Variants in MMP2 observed in about 807,000 individuals in gnomAD.
The protein encoded by MMP2 is matrix metallopeptidase 2.
In MMP2, 39 loss-of-function variants were observed where a neutral mutation model predicts 74.8. The observed-to-expected ratio is 0.52, with a 90% CI of 0.40 to 0.68. The LOEUF is 0.68. Among genes scored for constraint, MMP2 ranks in the 30% least tolerant of loss-of-function variants. The probability of loss-of-function intolerance (pLI) is 0.00; values close to 1 mark genes in which losing one functional copy is unlikely to be tolerated. For synonymous variants in MMP2, 367 were observed against 339.8 expected (o/e 1.08, Z -0.88); for missense variants, 803 against 878.3 (o/e 0.91, Z 1.08).
At chr16:55,496,902 C>T (rs762977589) in intron 9 of MMP2, 24 bp from the exon 10 acceptor site, 3 of 1,613,140 alleles carry the variant, frequency 1.9e-6, no homozygotes, top group African/African-American at 1.3e-5. Flanking sequence ...ATGTGGTTTC[C>T]TGTGCCCCCT....
Position 55,483,006 on chromosome 16 carries a change from C to A in MMP2, c.251C>A (p.Pro84His). The change falls in exon 2 of 13, where the codon CCC becomes CAC. Residue 84 changes from proline to histidine, a missense_variant. Coordinates refer to ENST00000219070, the MANE Select transcript of MMP2 (RefSeq NM_004530.6). Reference sequence around the variant, plus strand: ...AAGATGCAGAAGTTCTTTGGACTGCCCCAGACAGGTGATCTTGACCAGAAT... The same window carrying A: ...AAGATGCAGAAGTTCTTTGGACTGCACCAGACAGGTGATCTTGACCAGAAT... Reference protein sequence around the residue: ...LKKMQKFFGLPQTGDLDQNTI... With the variant: ...LKKMQKFFGLHQTGDLDQNTI... 2 of 1,614,194 alleles carry A rather than the reference C, an allele frequency of 1.2e-6. No homozygotes were observed. The highest frequency in any genetic ancestry group is 1.7e-6 in the Non-Finnish European group (2 of 1,180,038).
At chr16:55,497,117 G>T in intron 10 of MMP2, 55 bp downstream of exon 10, 3 of 1,611,734 alleles carry the variant, frequency 1.9e-6, no homozygotes, top group Non-Finnish European at 2.5e-6. Flanking sequence ...CTGCACCAGG[G>T]CTCCTGGGTG....
Position 55,505,616 on chromosome 16 carries a change from C to A in MMP2, c.*174C>A. The stretch of plus-strand genomic sequence containing the variant: ...TTCCAGAGAGTGGCTCCTCCCGGTG[C>A]CCAAGAATAGATGCTGACTGTACTC... On this transcript the variant is annotated 3_prime_UTR_variant, in exon 13 of 13. Coordinates refer to ENST00000219070, the MANE Select transcript of MMP2 (RefSeq NM_004530.6). 1 of 656,292 alleles carries A rather than the reference C, an allele frequency of 1.5e-6. No homozygotes were observed. Among genetic ancestry groups the A allele is most frequent in the Non-Finnish European group, 2.7e-6 (1 of 365,988 alleles). The allele number at this position is 656,292 out of a possible 1,614,324, so 40.7% of individuals were successfully genotyped here.
Position 55,498,182 on chromosome 16 carries a change from T to C in MMP2, c.1610-107T>C. The stretch of plus-strand genomic sequence containing the variant: ...CAGGAGTGAGCAGGAAGTTGCACTC[T>C]GTTGGGAATGGCTGCAGTGGGGCCC... On this transcript the variant is annotated intron_variant, in intron 10 of 12. Transcript: ENST00000219070. The C allele has an allele frequency of 2.1e-6, 3 of 1,426,186 alleles. No individual in the cohort carries two copies. In the South Asian group the frequency reaches 3.5e-5, roughly 16 times the overall value. The allele number at this position is 1,426,186 out of a possible 1,614,324, so 88.3% of individuals were successfully genotyped here.
At chr16:55,484,222 G>C in intron 3 of MMP2, 58 bp downstream of exon 3, 3 of 1,582,920 alleles carry the variant, frequency 1.9e-6, no homozygotes, top group Non-Finnish European at 1.7e-6. Context: ...AGACGAGGGG[G>C]TGAGATGGAC....
chr16:55,489,915 C>G, intron 7 of MMP2, 91 bp downstream of exon 7: 1 of 1,414,514 alleles, frequency 7.1e-7, no homozygotes, highest in Non-Finnish European at 9.7e-7. Flanking sequence ...TCACCCACTT[C>G]AAGCATAGAC....
rs192392549 is a variant in MMP2, at chr16:55,503,450, G to A, written c.1879+562G>A. Among the ~76,000 whole-genome samples, 166 of 152,172 alleles carry A rather than the reference G, an allele frequency of 1.1e-3. 1 individual carries two copies. The highest frequency in any genetic ancestry group is 3.4e-3 in the Middle Eastern group (1 of 290). On this transcript the variant is annotated intron_variant, in intron 12 of 12. Transcript: ENST00000219070. ...CATCTGTGAGCTTTCTAGGGTCCTG[G>A]AAATGGGTCCAGTTTGGCTTTTTTT...
intron 9 of MMP2, among the ~76,000 whole-genome samples, chr16:55,496,325 A>G (rs1324672699): frequency 6.6e-6 from 1 of 152,220 alleles, no homozygotes; most frequent in Non-Finnish European, 1.5e-5. Flanking sequence ...AGGCTGGATC[A>G]TAAATGTGGA....
At chr16:55,487,607 A>C (rs546670780) in intron 5 of MMP2, 1 of 152,236 alleles carries the variant, frequency 6.6e-6, no homozygotes, top group African/African-American at 2.4e-5. Context: ...GGGGCTGGTG[A>C]GGTCACCTCT....
At chr16:55,483,871 C>A in intron 2 of MMP2, 145 bp from the exon 3 acceptor site, 1 of 826,480 alleles carries the variant, frequency 1.2e-6, no homozygotes. Flanking sequence ...CCTGTGCACC[C>A]TTCCCGTGCT....
intron 8 of MMP2, among the ~76,000 whole-genome samples, chr16:55,492,754 A>G (rs372188117): frequency 1.3e-5 from 2 of 152,056 alleles, no homozygotes; most frequent in African/African-American, 4.8e-5. Flanking sequence ...CTTATCATGA[A>G]AAGTGCCATA....
At chr16:55,480,296 A>C (rs1177460498) in intron 1 of MMP2, among the ~76,000 whole-genome samples, 2 of 152,188 alleles carry the variant, frequency 1.3e-5, no homozygotes, top group Middle Eastern at 3.2e-3. Flanking sequence ...CAGAGAGCGC[A>C]TCTTTTTTCT....
intron 1 of MMP2, chr16:55,479,902 G>A: frequency 2.1e-6 from 1 of 481,076 alleles, no homozygotes; most frequent in East Asian, 4.1e-5. Context: ...AGTGGGAGAG[G>A]GGTGACCTGG....
At chr16:55,494,109 TATC>T (rs1331077099) in intron 9 of MMP2, among the ~76,000 whole-genome samples, 4 of 152,202 alleles carry the variant, frequency 2.6e-5, no homozygotes, top group African/African-American at 9.6e-5. Context: ...AGCCATCTAT[TATC>T]CATTATTTAT....
intron 12 of MMP2, among the ~76,000 whole-genome samples, chr16:55,503,547 T>C (rs182316106): frequency 2.9e-4 from 44 of 152,038 alleles, no homozygotes; most frequent in African/African-American, 1.1e-3. Context: ...GCACAGGCCC[T>C]GACCTCCAGT....
chr16:55,491,809 C>G lies in MMP2; in HGVS notation c.1189C>G (p.Leu397Val). The change falls in exon 8 of 13, where the codon CTG (leucine) becomes GTG (valine). Residue 397 changes from leucine (L) to valine (V), a missense_variant. By Grantham distance (32) the Leu-to-Val change is conservative. Around this residue, in one of 3 missense-constraint regions of MMP2, gnomAD observed 555 missense variants for 592.0 expected, o/e 0.94. Coordinates refer to ENST00000219070, the MANE Select transcript of MMP2 (RefSeq NM_004530.6). Reference protein sequence around the residue: ...WGFCPDQGYSLFLVAAHEFGH... With the variant: ...WGFCPDQGYSVFLVAAHEFGH... ...CTCCCTGCAACCCTCAGGGTACAGC[C>G]TGTTCCTCGTGGCAGCCCACGAGTT... The G allele has an allele frequency of 6.2e-7, 1 of 1,614,228 alleles. No homozygotes were observed.
Position 55,496,947 on chromosome 16 carries a change from G to A in MMP2, c.1494G>A (p.Thr498=), listed in dbSNP as rs752578697. 30 of 1,613,922 alleles carry A rather than the reference G, an allele frequency of 1.9e-5. No homozygotes were observed. The highest frequency in any genetic ancestry group is 2.7e-5 in the African/African-American group (2 of 74,930). Residue 498 remains threonine (T), a synonymous_variant, in exon 10 of 13, where the codon ACG becomes ACA. Coordinates refer to ENST00000219070, the MANE Select transcript of MMP2 (RefSeq NM_004530.6). The part of the protein sequence containing the change: ...FKDRFIWRTV[T]PRDKPMGPLL... ...CCAGGTTCATTTGGCGGACTGTGAC[G>A]CCACGTGACAAGCCCATGGGGCCCC... is the stretch of plus-strand genomic sequence containing the variant.
chr16:55,497,340 G>GAA (rs17859976), intron 10 of MMP2, among the ~76,000 whole-genome samples: 1 of 152,124 alleles, frequency 6.6e-6, no homozygotes, highest in African/African-American at 2.4e-5. Context: ...TTTTCTAGAA[G>GAA]AAAAAAAGTC....
At chr16:55,498,199 G>C (rs575281330) in intron 10 of MMP2, 90 bp from the exon 11 acceptor site, 1 of 1,547,540 alleles carries the variant, frequency 6.5e-7, no homozygotes, top group East Asian at 2.2e-5. Context: ...AATGGCTGCA[G>C]TGGGGCCCGT....
Sources: allele counts gnomAD v4.1 joint callset (sites outside exome capture counted in the v4.1 genomes callset), GRCh38; gene constraint gnomAD v4.1.1; regional missense constraint gnomAD v4.1.1; transcripts MANE v1.5; gene names NCBI Gene and HGNC (gene_info 2026-07-23, HGNC 2026-07-21).